CARS2: variants seen among roughly 807,000 people sequenced by gnomAD.
CARS2 encodes the protein probable cysteine--tRNA ligase, mitochondrial.
A neutral mutation model predicts 68.8 loss-of-function variants in CARS2; 52 were observed. That is an observed-to-expected ratio of 0.76 (90% CI 0.61 to 0.95). The LOEUF (loss-of-function observed/expected upper bound fraction) is 0.95, where lower values mean the gene tolerates loss of function less well. Ranked by LOEUF, CARS2 falls within the 40% of genes least tolerant of loss-of-function variation. CARS2 has a pLI of 0.00. For missense variants in CARS2, 780 were observed against 754.2 expected (o/e 1.03, Z -0.40); for synonymous variants, 314 against 303.6 (o/e 1.03, Z -0.36).
rs2062292059 is a variant in CARS2, at chr13:110,653,966, G to A, written c.988-2866C>T. ...GGCTCCCTGAGAGGCAAAATGTGGC[G>A]ACGGCAGTGTAAGCTCGTGCTGGAA... On this transcript the variant is annotated intron_variant, in intron 9 of 14. Coordinates refer to ENST00000257347, the MANE Select transcript of CARS2 (RefSeq NM_024537.4). The surrounding 1 kb of genome is among the most constrained non-coding windows in gnomAD (Gnocchi z 5.6). Among the ~76,000 whole-genome samples the A allele has an allele frequency of 2.6e-5, 4 of 152,310 alleles. No individual in the cohort carries two copies. Among genetic ancestry groups the A allele is most frequent in the South Asian group, 4.1e-4 (2 of 4,828 alleles).
chr13:110,703,948 A>G (rs1485024496), intron 2 of CARS2, among the ~76,000 whole-genome samples: 2 of 152,212 alleles, frequency 1.3e-5, no homozygotes, highest in South Asian at 2.1e-4. Flanking sequence ...GGAGGCAGAG[A>G]GCTCATGACT....
intron 1 of CARS2, chr13:110,713,039 A>C (rs1207537325): frequency 1.4e-6 from 2 of 1,477,200 alleles, no homozygotes; most frequent in African/African-American, 2.8e-5. Context: ...GCCAGTGCGC[A>C]TGCGCCGCCA....
At chr13:110,679,593 A>AAGAGAG (rs1172546712) in intron 6 of CARS2, among the ~76,000 whole-genome samples, 794 of 28,004 alleles carry the variant, frequency 0.028, 9 homozygotes, top group African/African-American at 0.089. Flanking sequence ...GAAAGAAAGA[A>AAGAGAG]AGAAAGAGAG....
intron 3 of CARS2, among the ~76,000 whole-genome samples, chr13:110,693,610 T>C (rs961343736): frequency 6.6e-5 from 10 of 152,194 alleles, no homozygotes; most frequent in Admixed American, 3.3e-4. Context: ...CCACCTGCCT[T>C]AGCCTCCCAA....
intron 6 of CARS2, among the ~76,000 whole-genome samples, chr13:110,682,747 A>C (rs1431749144): frequency 6.6e-6 from 1 of 152,154 alleles, no homozygotes; most frequent in Non-Finnish European, 1.5e-5. Flanking sequence ...TACGTGTATG[A>C]GGTTTTCATG....
intron 8 of CARS2, 47 bp from the exon 9 acceptor site, chr13:110,663,565 C>G (rs1418276367): frequency 6.2e-7 from 1 of 1,603,712 alleles, no homozygotes; most frequent in African/African-American, 1.3e-5. Flanking sequence ...TGAGGAGACT[C>G]TCTGGCCTCA....
Position 110,665,567 on chromosome 13 carries a change from CT to C in CARS2, c.919+1772del. On this transcript the variant is annotated intron_variant, in intron 8 of 14. Coordinates refer to ENST00000257347, the MANE Select transcript of CARS2 (RefSeq NM_024537.4). The surrounding 1 kb of genome is among the most constrained non-coding windows in gnomAD (Gnocchi z 4.3). ...CGTTGGCACAGCTAAGGCTGCCCTT[CT>C]TGCCCCCCAGCTCCACACTCGCAGA... 2.0e-6 allele frequency: 2 copies of C among 985,450 alleles called. No individual in the cohort carries two copies. The highest frequency in any genetic ancestry group is 2.4e-6 in the Non-Finnish European group (2 of 829,970). The allele number at this position is 985,450 out of a possible 1,614,324, so 61.0% of individuals were successfully genotyped here. A position where few individuals can be genotyped will look rare whatever the true frequency, so the allele number is the denominator to read the frequency against.
intron 3 of CARS2, chr13:110,688,696 G>C (rs114371372): frequency 6.6e-6 from 1 of 152,340 alleles, no homozygotes; most frequent in Non-Finnish European, 1.5e-5. Flanking sequence ...GATGACATGA[G>C]GCCGGGAGTT....
chr13:110,663,615 C>T, intron 8 of CARS2, 97 bp from the exon 9 acceptor site: 2 of 1,545,446 alleles, frequency 1.3e-6, no homozygotes, highest in Non-Finnish European at 1.7e-6. Context: ...GGAACCTGCA[C>T]ATATCCAATG....
chr13:110,675,436 T>C (rs1441777029), intron 7 of CARS2, among the ~76,000 whole-genome samples: 1 of 152,188 alleles, frequency 6.6e-6, no homozygotes, highest in Non-Finnish European at 1.5e-5. Flanking sequence ...GAAACCATCA[T>C]TCTGAGCAAA....
rs574450797 is a variant in CARS2, at chr13:110,663,673, G to A, written c.920-155C>T. Reference sequence around the variant, plus strand: ...TAAATCTGCCCCCAAATCTTCACCCGTGCTGGGCCTTCCGGGAAGACAGGA... The same window carrying A: ...TAAATCTGCCCCCAAATCTTCACCCATGCTGGGCCTTCCGGGAAGACAGGA... On this transcript the variant is annotated intron_variant, in intron 8 of 14. Coordinates refer to ENST00000257347, the MANE Select transcript of CARS2 (RefSeq NM_024537.4). 4.7e-5 allele frequency: 66 copies of A among 1,405,676 alleles called. 1 individual carries two copies. The highest frequency in any genetic ancestry group is 3.1e-4 in the South Asian group (19 of 61,532). 87.1% of individuals were successfully genotyped at this position (1,405,676 alleles called of 1,614,324 possible).
At chr13:110,672,723 A>T (rs1422889893) in intron 7 of CARS2, among the ~76,000 whole-genome samples, 1 of 152,224 alleles carries the variant, frequency 6.6e-6, no homozygotes, top group African/African-American at 2.4e-5. Flanking sequence ...ATCAGAGCAG[A>T]ACTGAAGGAG....
chr13:110,650,948 T>G (rs2062192458), intron 10 of CARS2, 86 bp downstream of exon 10: 1 of 950,058 alleles, frequency 1.1e-6, no homozygotes, highest in African/African-American at 1.6e-5. Context: ...GCTTATTCTC[T>G]GGCCTGCATT....
At chr13:110,663,177 C>A in intron 9 of CARS2, 1 of 570,958 alleles carries the variant, frequency 1.8e-6, no homozygotes, top group Non-Finnish European at 3.2e-6. Context: ...AAGGAAAAGG[C>A]AAGGAAGAGG....
chr13:110,644,968 C>G (rs1264014004), intron 12 of CARS2: 1 of 158,776 alleles, frequency 6.3e-6, no homozygotes, highest in African/African-American at 2.4e-5. Context: ...ACTTGTCCCG[C>G]CCCTTGCCAC....
At chr13:110,641,657 G>A (rs1446725082) in intron 14 of CARS2, 49 bp from the exon 15 acceptor site, 2 of 1,432,330 alleles carry the variant, frequency 1.4e-6, no homozygotes, top group African/African-American at 2.8e-5. Context: ...CACGTCATGT[G>A]GCACAGGGGG....
chr13:110,713,269 G>T (rs1203290268), exon 1 of CARS2: 1 of 1,318,476 alleles, frequency 7.6e-7, no homozygotes, highest in Non-Finnish European at 9.7e-7. Context: ...AAGAGTCAGG[G>T]GCTGAGGAGC....
In CARS2 at chr13:110,677,041, C is replaced by G. The variant is rs1315219861; in HGVS notation, c.718G>C (p.Val240Leu). 3 of 1,611,152 alleles carry G rather than the reference C, an allele frequency of 1.9e-6. No homozygotes were observed. Among genetic ancestry groups the G allele is most frequent in the Non-Finnish European group, 2.5e-6 (3 of 1,178,010 alleles). The change falls in exon 7 of 15, where the codon GTG becomes CTG. Residue 240 changes from valine to leucine, a missense_variant. By Grantham distance (32) the Val-to-Leu change is conservative. Coordinates refer to ENST00000257347, the MANE Select transcript of CARS2 (RefSeq NM_024537.4). ...GGTCCCCAGGGAGAGGCCCAGAACA[C>G]CTCCTGGGGTTTGGCCGCCTTCCAC... ...ALWKAAKPQE[V>L]FWASPWGPGR...
In CARS2 at chr13:110,667,352, A is replaced by C. The variant is rs202177610; in HGVS notation, c.907T>G (p.Phe303Val). The change falls in exon 8 of 15, where the codon TTT (phenylalanine) becomes GTT (valine). Residue 303 changes from phenylalanine to valine, a missense_variant. Physicochemically the swap from Phe to Val is conservative, Grantham distance 50. Coordinates refer to ENST00000257347, the MANE Select transcript of CARS2 (RefSeq NM_024537.4). Reference protein sequence around the residue: ...FHQCEQWGNYFLHSGHLHAKG... With the variant: ...FHQCEQWGNYVLHSGHLHAKG... ...AGTTATTACTTACCAGAATGCAGAAAATAATTTCCCCACTGCTCGCACTGA... is the reference window on the plus strand; with the variant it reads ...AGTTATTACTTACCAGAATGCAGAACATAATTTCCCCACTGCTCGCACTGA... 12 of 1,611,902 alleles carry C rather than the reference A, an allele frequency of 7.4e-6. No homozygotes were observed. In the East Asian group the frequency reaches 2.7e-4, roughly 36 times the overall value.
Sources: allele counts gnomAD v4.1 joint callset (sites outside exome capture counted in the v4.1 genomes callset), GRCh38; gene constraint gnomAD v4.1.1; non-coding constraint Gnocchi (gnomAD v3.1); transcripts MANE v1.5; gene names NCBI Gene and HGNC (gene_info 2026-07-23, HGNC 2026-07-21).